The following BICC1 variants were observed in gnomAD, a reference collection of about 807,000 sequenced individuals.
BICC1 encodes the protein protein bicaudal C homolog 1.
In BICC1, 43 loss-of-function variants were observed where a neutral mutation model predicts 111.0. The observed-to-expected ratio is 0.39, with a 90% CI of 0.30 to 0.50. The LOEUF is 0.50. BICC1 is among the 20% of genes least tolerant of loss of function. The pLI, the probability that BICC1 is intolerant of heterozygous loss-of-function variation, is 0.88. For missense variants in BICC1, 1,091 were observed against 1,203.2 expected, an observed-to-expected ratio of 0.91 and a Z score of 1.38; for synonymous variants, 467 against 434.4, an observed-to-expected ratio of 1.07 and a Z score of -0.93.
intron 3 of BICC1, among the ~76,000 whole-genome samples, chr10:58,712,196 A>G (rs996608365): frequency 3.9e-5 from 6 of 152,094 alleles, no homozygotes; most frequent in Admixed American, 3.9e-4. Context: ...AACACTGACA[A>G]CACCAAATGC....
intron 1 of BICC1, among the ~76,000 whole-genome samples, chr10:58,568,579 G>T (rs1347445648): frequency 6.6e-6 from 1 of 152,134 alleles, no homozygotes; most frequent in Non-Finnish European, 1.5e-5. Flanking sequence ...AGCAAAAACA[G>T]AATAGAAGAG....
intron 2 of BICC1, among the ~76,000 whole-genome samples, chr10:58,697,320 G>A (rs562191772): frequency 2.6e-5 from 4 of 152,240 alleles, no homozygotes; most frequent in South Asian, 2.1e-4. Context: ...GTCCATAGTA[G>A]CATTCATAAA....
chr10:58,522,246 C>A (rs1422074982), intron 1 of BICC1, among the ~76,000 whole-genome samples: 1 of 151,812 alleles, frequency 6.6e-6, no homozygotes, highest in Non-Finnish European at 1.5e-5. Context: ...TAATAGATAC[C>A]TATGTAATAT....
At chr10:58,639,260 A>T (rs1312099831) in intron 2 of BICC1, among the ~76,000 whole-genome samples, 1 of 152,164 alleles carries the variant, frequency 6.6e-6, no homozygotes, top group Non-Finnish European at 1.5e-5. Flanking sequence ...AGTGTCCAAG[A>T]AGCAGCTCAC....
At chr10:58,684,882 G>T (rs898836716) in intron 2 of BICC1, among the ~76,000 whole-genome samples, 5 of 151,962 alleles carry the variant, frequency 3.3e-5, no homozygotes, top group South Asian at 2.1e-4. Flanking sequence ...CTTCAGTTCT[G>T]CTCTGATCTT....
At chr10:58,705,355 G>A (rs1040862563) in intron 3 of BICC1, among the ~76,000 whole-genome samples, 4 of 151,862 alleles carry the variant, frequency 2.6e-5, no homozygotes, top group African/African-American at 9.7e-5. Flanking sequence ...TGCCCATCTT[G>A]GCATCTATAG....
intron 3 of BICC1, among the ~76,000 whole-genome samples, chr10:58,768,153 T>A (rs1355863389): frequency 6.6e-6 from 1 of 152,152 alleles, no homozygotes; most frequent in African/African-American, 2.4e-5. Context: ...CATAATCTTA[T>A]TGTCAATAAT....
At chr10:58,760,751 A>G (rs966001242) in intron 3 of BICC1, among the ~76,000 whole-genome samples, 5 of 152,198 alleles carry the variant, frequency 3.3e-5, no homozygotes, top group Admixed American at 2.6e-4. Flanking sequence ...GAAATGTGAG[A>G]TGAATTTACA....
intron 18 of BICC1, among the ~76,000 whole-genome samples, chr10:58,816,749 GTGTGT>G (rs1844103663): frequency 8.3e-5 from 1 of 12,054 alleles, no homozygotes; most frequent in Non-Finnish European, 1.8e-4. Context: ...CCAAGGCTGT[GTGTGT>G]GTGTGTGTGT....
chr10:58,780,498 G>T lies in BICC1; in HGVS notation c.308-4503G>T, dbSNP rs547393767. On this transcript the variant is annotated intron_variant, in intron 3 of 20. Coordinates refer to ENST00000373886, the MANE Select transcript of BICC1 (RefSeq NM_001080512.3). ...GACAGGAAAGTGGCTACAGATTTTT[G>T]ATGAAAGATTGGCCTAAATTCATCA... 3.9e-5 allele frequency among the ~76,000 whole-genome samples: 6 copies of T among 152,226 alleles called. No individual in the cohort carries two copies. In the South Asian group the frequency reaches 1.2e-3, roughly 32 times the overall value.
intron 1 of BICC1, among the ~76,000 whole-genome samples, chr10:58,524,391 T>C (rs2131834137): frequency 6.6e-6 from 1 of 151,986 alleles, no homozygotes; most frequent in Non-Finnish European, 1.5e-5. Context: ...TCAGAAATAA[T>C]GCCGCATATC....
At chr10:58,818,215 CT>C (rs1399641700) in intron 19 of BICC1, among the ~76,000 whole-genome samples, 2 of 151,918 alleles carry the variant, frequency 1.3e-5, no homozygotes, top group African/African-American at 4.8e-5. Flanking sequence ...TATTCATTAA[CT>C]TATTGTTTGG....
chr10:58,743,521 A>G (rs1221575111), intron 3 of BICC1, among the ~76,000 whole-genome samples: 1 of 151,882 alleles, frequency 6.6e-6, no homozygotes, highest in Admixed American at 6.6e-5. Context: ...TTTAAAGGAA[A>G]AGATGAAGTT....
At chr10:58,658,958 T>G (rs1224149405) in intron 2 of BICC1, among the ~76,000 whole-genome samples, 1 of 150,816 alleles carries the variant, frequency 6.6e-6, no homozygotes, top group Non-Finnish European at 1.5e-5. Context: ...TCCCAGCAGA[T>G]AGAACTAGGA....
chr10:58,576,935 G>A (rs1032998447), intron 1 of BICC1, among the ~76,000 whole-genome samples: 7 of 152,136 alleles, frequency 4.6e-5, no homozygotes, highest in African/African-American at 1.7e-4. Flanking sequence ...TTGTTTTAAC[G>A]AAGACTTGTG....
At chr10:58,656,711 AT>A (rs541782809) in intron 2 of BICC1, among the ~76,000 whole-genome samples, 26 of 152,230 alleles carry the variant, frequency 1.7e-4, no homozygotes, top group African/African-American at 6.3e-4. Context: ...TCATCCTTTA[AT>A]CATAGAGGCT....
chr10:58,733,680 G>A (rs902654768), intron 3 of BICC1, among the ~76,000 whole-genome samples: 18 of 152,338 alleles, frequency 1.2e-4, no homozygotes, highest in Admixed American at 8.5e-4. Context: ...CGGCTTCTGA[G>A]ATTCCTCTAA....
intron 1 of BICC1, among the ~76,000 whole-genome samples, chr10:58,524,945 A>G (rs1385050135): frequency 6.6e-6 from 1 of 152,120 alleles, no homozygotes; most frequent in Non-Finnish European, 1.5e-5. Flanking sequence ...TTTGCAGCCA[A>G]CAGACACATG....
intron 2 of BICC1, among the ~76,000 whole-genome samples, chr10:58,637,557 G>A (rs1270667908): frequency 3.3e-5 from 5 of 152,180 alleles, no homozygotes; most frequent in South Asian, 4.1e-4. Context: ...CCTCACGCAC[G>A]CTTTGCTTTC....
Sources: allele counts gnomAD v4.1 joint callset (sites outside exome capture counted in the v4.1 genomes callset), GRCh38; gene constraint gnomAD v4.1.1; transcripts MANE v1.5; gene names NCBI Gene and HGNC (gene_info 2026-07-23, HGNC 2026-07-21).